SYNE2: variants seen among roughly 807,000 people sequenced by gnomAD.
SYNE2 encodes the protein nesprin-2.
Under a neutral mutation model 856.3 loss-of-function variants are expected in SYNE2, and 431 were observed. The observed-to-expected ratio is 0.50, with a 90% CI of 0.47 to 0.55. The LOEUF (loss-of-function observed/expected upper bound fraction) is 0.55, where lower values mean the gene tolerates loss of function less well. Among genes scored for constraint, SYNE2 ranks in the 20% least tolerant of loss-of-function variants. SYNE2 has a pLI of 0.00. For missense variants in SYNE2, 8,129 were observed against 8,023.2 expected, an observed-to-expected ratio of 1.01 and a Z score of -0.50; for synonymous variants, 2,923 against 2,872.3, an observed-to-expected ratio of 1.02 and a Z score of -0.56.
chr14:64,103,623 C>T (rs772463374), intron 64 of SYNE2, among the ~76,000 whole-genome samples: 1 of 152,078 alleles, frequency 6.6e-6, no homozygotes. Flanking sequence ...TAATCATTGG[C>T]GCCATTCTCT....
In SYNE2 at chr14:64,159,437, T is replaced by G; in HGVS notation, c.16089T>G (p.His5363Gln). Reference protein sequence around the residue: ...EIIEEKCQNTHKRWTQVNQAI... With the variant: ...EIIEEKCQNTQKRWTQVNQAI... The stretch of plus-strand genomic sequence containing the variant: ...TCGAAGAGAAATGCCAAAATACTCA[T>G]AAAAGGTATGCTTTCAGATATAATT... Residue 5363 changes from histidine (H) to glutamine (Q), a missense_variant, in exon 87 of 116, where the codon CAT becomes CAG. His to Gln is a conservative substitution (Grantham distance 24, BLOSUM62 0). Transcript: ENST00000555002. 6.2e-7 allele frequency: 1 copy of G among 1,613,652 alleles called. No individual in the cohort carries two copies. Among genetic ancestry groups the G allele is most frequent in the Non-Finnish European group, 8.5e-7 (1 of 1,179,714 alleles).
intron 1 of SYNE2, among the ~76,000 whole-genome samples, chr14:63,860,543 G>A (rs1001322359): frequency 6.6e-6 from 1 of 152,178 alleles, no homozygotes; most frequent in Non-Finnish European, 1.5e-5. Context: ...TTGCTTGTCA[G>A]TGTCCATATT....
At chr14:63,791,305 T>A (rs1038989669) in intron 1 of SYNE2, among the ~76,000 whole-genome samples, 2 of 152,146 alleles carry the variant, frequency 1.3e-5, no homozygotes, top group Non-Finnish European at 2.9e-5. Context: ...AAATTGATCC[T>A]CCTCATTACT....
chr14:63,892,779 A>C (rs935470473), intron 1 of SYNE2, among the ~76,000 whole-genome samples: 28 of 148,494 alleles, frequency 1.9e-4, no homozygotes, highest in South Asian at 8.5e-4. Context: ...TATGTTGCAC[A>C]GGCTGGCCTT....
intron 99 of SYNE2, among the ~76,000 whole-genome samples, chr14:64,198,217 G>T (rs890527980): frequency 1.3e-5 from 2 of 152,196 alleles, no homozygotes; most frequent in African/African-American, 4.8e-5. Flanking sequence ...GCAGCAAAGC[G>T]CTCAGGTGGT....
chr14:64,071,109 A>G (rs1017599629), intron 52 of SYNE2, among the ~76,000 whole-genome samples, 199 bp downstream of exon 52: 7 of 152,164 alleles, frequency 4.6e-5, no homozygotes, highest in African/African-American at 1.7e-4. Flanking sequence ...ATGAGGGTGA[A>G]TGTCCTTCCA....
Position 63,997,031 on chromosome 14 carries a change from C to CA in SYNE2, c.3026dup (p.Lys1010GlufsTer14). On this transcript the variant is annotated frameshift_variant, in exon 24 of 116. Coordinates refer to ENST00000555002, the MANE Select transcript of SYNE2 (RefSeq NM_182914.3). LOFTEE classifies it high-confidence loss of function. ...GGAGCTGTGTGAAGAGCTGCCTTCA[C>CA]AGAAGAGTCAACAAGAAGTGAAGAG... is the stretch of plus-strand genomic sequence containing the variant. The CA allele has an allele frequency of 6.2e-7, 1 of 1,614,058 alleles. No homozygotes were observed. Among genetic ancestry groups the CA allele is most frequent in the Non-Finnish European group, 8.5e-7 (1 of 1,179,990 alleles).
chr14:63,931,888 G>A (rs2153400122), intron 2 of SYNE2, among the ~76,000 whole-genome samples: 1 of 152,278 alleles, frequency 6.6e-6, no homozygotes, highest in South Asian at 2.1e-4. Context: ...TTCCAGAGTA[G>A]CTGGGTCTAT....
intron 24 of SYNE2, 57 bp from the exon 25 acceptor site, chr14:63,997,244 G>T: frequency 6.3e-7 from 1 of 1,587,448 alleles, no homozygotes; most frequent in Non-Finnish European, 8.6e-7. Context: ...AGTCATGCTT[G>T]TTTAGGTTTC....
chr14:63,781,672 A>C (rs1395736489), intron 1 of SYNE2, among the ~76,000 whole-genome samples: 4 of 150,578 alleles, frequency 2.7e-5, no homozygotes, highest in African/African-American at 9.8e-5. Context: ...CTCTCTCTAT[A>C]TATATATAAA....
At chr14:63,868,101 C>A (rs1416972584) in intron 1 of SYNE2, among the ~76,000 whole-genome samples, 1 of 151,344 alleles carries the variant, frequency 6.6e-6, no homozygotes, top group Non-Finnish European at 1.5e-5. Flanking sequence ...AGTTAACTGG[C>A]AAACTTGTGT....
intron 70 of SYNE2, among the ~76,000 whole-genome samples, chr14:64,123,580 T>C (rs1374141570): frequency 2.0e-5 from 3 of 152,188 alleles, no homozygotes; most frequent in Admixed American, 1.3e-4. Context: ...CACTCATTAT[T>C]AGTTCTTTCC....
intron 1 of SYNE2, among the ~76,000 whole-genome samples, chr14:63,804,328 G>A (rs1404305015): frequency 1.3e-5 from 2 of 151,980 alleles, no homozygotes; most frequent in South Asian, 2.1e-4. Context: ...CGTTTACTCT[G>A]TTGATAGTTT....
Position 64,025,186 on chromosome 14 carries a change from C to T in SYNE2, c.6017C>T (p.Thr2006Ile), listed in dbSNP as rs1178448996. 1 of 1,613,896 alleles carries T rather than the reference C, an allele frequency of 6.2e-7. No homozygotes were observed. Among genetic ancestry groups the T allele is most frequent in the Non-Finnish European group, 8.5e-7 (1 of 1,179,996 alleles). ...LNNSLKEYGFTEEEEIIMEAT... is the reference protein window; with the variant it reads ...LNNSLKEYGFIEEEEIIMEAT... Reference sequence around the variant, plus strand: ...AACTCTTTGAAGGAATATGGGTTTACTGAAGAAGAAGAAATAATAATGGAA... The same window carrying T: ...AACTCTTTGAAGGAATATGGGTTTATTGAAGAAGAAGAAATAATAATGGAA... Residue 2006 changes from threonine to isoleucine, a missense_variant, in exon 41 of 116, where the codon ACT (threonine) becomes ATT (isoleucine). Physicochemically the swap from Thr to Ile is moderately conservative, Grantham distance 89. Around this residue, in one of 3 missense-constraint regions of SYNE2, gnomAD observed 2,422 missense variants for 2,357.4 expected, o/e 1.03. Coordinates refer to ENST00000555002, the MANE Select transcript of SYNE2 (RefSeq NM_182914.3).
intron 11 of SYNE2, among the ~76,000 whole-genome samples, chr14:63,969,744 A>G (rs1029681145): frequency 1.3e-5 from 2 of 152,114 alleles, no homozygotes; most frequent in African/African-American, 4.8e-5. Flanking sequence ...CAAATTACAA[A>G]TATTAATTAA....
chr14:64,175,277 G>T, intron 95 of SYNE2, 139 bp downstream of exon 95: 1 of 910,692 alleles, frequency 1.1e-6, no homozygotes, highest in Middle Eastern at 2.9e-4. Context: ...TGTAAGTCAT[G>T]CCAGTTACTT....
intron 3 of SYNE2, among the ~76,000 whole-genome samples, chr14:63,941,418 G>A (rs568727574): frequency 3.9e-5 from 6 of 152,312 alleles, no homozygotes; most frequent in African/African-American, 9.6e-5. Context: ...GATTCTAAAA[G>A]TCTTTAATGC....
At chr14:64,167,998 G>T (rs903870472) in intron 92 of SYNE2, among the ~76,000 whole-genome samples, 1 of 152,122 alleles carries the variant, frequency 6.6e-6, no homozygotes, top group Non-Finnish European at 1.5e-5. Flanking sequence ...TAGTATTAAA[G>T]CACCTGGTAT....
intron 1 of SYNE2, among the ~76,000 whole-genome samples, chr14:63,815,907 T>C (rs1888963415): frequency 1.3e-5 from 2 of 152,088 alleles, no homozygotes; most frequent in African/African-American, 4.8e-5. Flanking sequence ...TTAACCTTTG[T>C]TTTTCTTTTG....
Sources: gnomAD v4.1 joint callset for allele counts (sites outside exome capture counted in the v4.1 genomes callset) on GRCh38, gnomAD v4.1.1 for gene constraint, gnomAD v4.1.1 regional missense constraint, MANE v1.5 for transcripts, NCBI Gene and HGNC (gene_info 2026-07-23, HGNC 2026-07-21) for gene names.